The following ZFR2 variants were observed in gnomAD, a reference collection of about 807,000 sequenced individuals.
ZFR2 encodes the protein zinc finger RNA binding protein 2.
Under a neutral mutation model 105.7 loss-of-function variants are expected in ZFR2, and 104 were observed. The ratio of observed to expected loss-of-function variants is 0.98; its 90% CI spans 0.84 to 1.16. The LOEUF (loss-of-function observed/expected upper bound fraction) is 1.16, where lower values mean the gene tolerates loss of function less well. Among genes scored for constraint, ZFR2 ranks in the 50% most tolerant of loss-of-function variants. ZFR2 has a pLI of 0.00. For missense variants in ZFR2, 1,425 were observed against 1,355.5 expected (o/e 1.05, Z -0.80); for synonymous variants, 634 against 597.7 (o/e 1.06, Z -0.89).
Position 3,823,504 on chromosome 19 carries a change from G to T in ZFR2, c.1214-101C>A, listed in dbSNP as rs1487086452. On this transcript the variant is annotated intron_variant, in intron 7 of 18. Transcript: ENST00000262961. The surrounding 1 kb of genome is among the most constrained non-coding windows in gnomAD (Gnocchi z 5.4). Reference sequence around the variant, plus strand: ...GGGGTGGAGAGCCACCCAGACTGCAGGCTGTGCCATCCCCCTCCCTCCTGT... The same window carrying T: ...GGGGTGGAGAGCCACCCAGACTGCATGCTGTGCCATCCCCCTCCCTCCTGT... The T allele has an allele frequency of 6.5e-6, 8 of 1,230,058 alleles. No individual in the cohort carries two copies. The highest frequency in any genetic ancestry group is 1.5e-5 in the African/African-American group (1 of 66,098). 76.2% of individuals were successfully genotyped at this position (1,230,058 alleles called of 1,614,324 possible). A position where few individuals can be genotyped will look rare whatever the true frequency, so the allele number is the denominator to read the frequency against.
chr19:3,844,038 G>C (rs1211536490), intron 1 of ZFR2, among the ~76,000 whole-genome samples: 1 of 146,548 alleles, frequency 6.8e-6, no homozygotes, highest in Non-Finnish European at 1.5e-5. Flanking sequence ...CAGGGACCGG[G>C]GAGGGGAAGG....
At chr19:3,831,580 G>GT in intron 4 of ZFR2, 24 bp from the exon 5 acceptor site, 1 of 1,546,748 alleles carries the variant, frequency 6.5e-7, no homozygotes, top group South Asian at 1.2e-5. Flanking sequence ...AAAACAATGA[G>GT]TCGGGGGGAG....
chr19:3,839,307 C>G (rs944190977), intron 1 of ZFR2, among the ~76,000 whole-genome samples: 1 of 151,962 alleles, frequency 6.6e-6, no homozygotes, highest in Non-Finnish European at 1.5e-5. Context: ...CCACGGCAGG[C>G]AGATTACCCG....
chr19:3,818,919 A>G (rs2037854462), intron 12 of ZFR2, 126 bp downstream of exon 12: 1 of 1,230,318 alleles, frequency 8.1e-7, no homozygotes, highest in African/African-American at 1.5e-5. Context: ...GGGGCTGGAA[A>G]GCTGCCGCGG....
rs187761359 is a variant in ZFR2, at chr19:3,829,071, C to T, written c.853-1418G>A. Among the ~76,000 whole-genome samples, 377 of 151,934 alleles carry T rather than the reference C, an allele frequency of 2.5e-3. 1 individual carries two copies. The highest frequency in any genetic ancestry group is 8.8e-3 in the African/African-American group (365 of 41,400). On this transcript the variant is annotated intron_variant, in intron 5 of 18. Transcript: ENST00000262961. ...CCGCCTCCCAGGTTCACGCCATTCT[C>T]CTGCCTCAGCCTCCCAAGTAGCTGG...
intron 6 of ZFR2, among the ~76,000 whole-genome samples, chr19:3,825,654 G>A (rs878867735): frequency 1.3e-5 from 2 of 151,236 alleles, no homozygotes; most frequent in African/African-American, 4.9e-5. Flanking sequence ...TCTAGTGTGT[G>A]AGCACGTGGC....
At chr19:3,835,673 G>A (rs553621919) in intron 1 of ZFR2, among the ~76,000 whole-genome samples, 12 of 151,344 alleles carry the variant, frequency 7.9e-5, no homozygotes, top group African/African-American at 2.9e-4. Flanking sequence ...GGCCGGGTGT[G>A]GTAGCTCATG....
Position 3,847,535 on chromosome 19 carries a change from A to C in ZFR2, c.54-12552T>G, listed in dbSNP as rs138626170. ...CGAGACTCCTTCTCAAAAGAAAAAAAAAAGTATTTTTTGAAAATAAGAATA... is the reference window on the plus strand; with the variant it reads ...CGAGACTCCTTCTCAAAAGAAAAAACAAAGTATTTTTTGAAAATAAGAATA... On this transcript the variant is annotated intron_variant, in intron 1 of 18. Coordinates refer to ENST00000262961, the MANE Select transcript of ZFR2 (RefSeq NM_015174.2). Among the ~76,000 whole-genome samples the C allele has an allele frequency of 4.6e-5, 7 of 152,326 alleles. No homozygotes were observed. The East Asian group carries it at 1.3e-3, about 29-fold the overall frequency.
chr19:3,822,151 T>G lies in ZFR2; in HGVS notation c.1421A>C (p.Glu474Ala), dbSNP rs1453039159. 1 of 1,609,364 alleles carries G rather than the reference T, an allele frequency of 6.2e-7. No homozygotes were observed. The change falls in exon 9 of 19, where the codon GAG (glutamate) becomes GCG (alanine). Residue 474 changes from glutamate (E) to alanine (A), a missense_variant. Coordinates refer to ENST00000262961, the MANE Select transcript of ZFR2 (RefSeq NM_015174.2). ...RVLRFHCKLC[E>A]CSFNDLNAKD... ...CGCGTTAAGGTCGTTGAAACTGCAC[T>G]CGCACAGCTTGCAGTGGAAGCGAAG... is the stretch of plus-strand genomic sequence containing the variant.
At chr19:3,827,917 T>A (rs1326047489) in intron 5 of ZFR2, among the ~76,000 whole-genome samples, 1 of 151,700 alleles carries the variant, frequency 6.6e-6, no homozygotes, top group Non-Finnish European at 1.5e-5. Flanking sequence ...GCCTCCTGGG[T>A]TCAAGTGATT....
chr19:3,814,023 A>G, intron 13 of ZFR2, 65 bp from the exon 14 acceptor site: 3 of 1,595,806 alleles, frequency 1.9e-6, no homozygotes, highest in Non-Finnish European at 2.6e-6. Flanking sequence ...TAAATCAGCC[A>G]GGATGTGGTT....
At chr19:3,852,184 T>C (rs1307491647) in intron 1 of ZFR2, 2 of 460,632 alleles carry the variant, frequency 4.3e-6, no homozygotes, top group Non-Finnish European at 7.9e-6. Context: ...GTGGCTCTCC[T>C]GGCCAAGGCG....
intron 14 of ZFR2, among the ~76,000 whole-genome samples, chr19:3,812,489 G>A (rs761396319): frequency 4.6e-5 from 7 of 152,084 alleles, no homozygotes; most frequent in Admixed American, 3.3e-4. Context: ...GGCGGCTCAC[G>A]GGGCTCTTCT....
Position 3,822,209 on chromosome 19 carries a change from C to G in ZFR2, c.1372-9G>C. ...CCTTCGTCGCTGAACACCTGAGACA[C>G]AGAACAGCCGCACGCGCACCAGGCA... is the stretch of plus-strand genomic sequence containing the variant. On this transcript the variant is annotated splice_polypyrimidine_tract_variant and intron_variant, in intron 8 of 18. Transcript: ENST00000262961. 6.3e-7 allele frequency: 1 copy of G among 1,578,654 alleles called. No homozygotes were observed. Among genetic ancestry groups the G allele is most frequent in the Non-Finnish European group, 8.6e-7 (1 of 1,162,790 alleles).
intron 1 of ZFR2, among the ~76,000 whole-genome samples, chr19:3,847,699 G>A (rs1599248489): frequency 1.3e-5 from 2 of 152,200 alleles, no homozygotes; most frequent in Non-Finnish European, 1.5e-5. Context: ...ATTTGCAGAC[G>A]TATTTCTAGA....
chr19:3,868,202 A>C (rs1599263415), intron 1 of ZFR2, among the ~76,000 whole-genome samples: 3 of 134,656 alleles, frequency 2.2e-5, no homozygotes, highest in Admixed American at 7.4e-5. Flanking sequence ...CTTCTCTCTT[A>C]CCCCCATCAG....
In ZFR2 at chr19:3,823,832, C is replaced by A. The variant is rs1023469602; in HGVS notation, c.1214-429G>T. Among the ~76,000 whole-genome samples, 2 of 152,176 alleles carry A rather than the reference C, an allele frequency of 1.3e-5. No homozygotes were observed. The highest frequency in any genetic ancestry group is 4.8e-5 in the African/African-American group (2 of 41,438). On this transcript the variant is annotated intron_variant, in intron 7 of 18. Coordinates refer to ENST00000262961, the MANE Select transcript of ZFR2 (RefSeq NM_015174.2). The surrounding 1 kb of genome is among the most constrained non-coding windows in gnomAD (Gnocchi z 5.4). ...TGATCTTCAAAATCATGTTGCTATT[C>A]AAGAATCAACGCTGCTGAGGCTAAA...
rs530980967 is a variant in ZFR2 at position 3,813,673 on chromosome 19, T to C, written c.2242+147A>G. 44 of 1,179,618 alleles carry C rather than the reference T, an allele frequency of 3.7e-5. 1 individual carries two copies. The South Asian group carries it at 6.2e-4, about 17-fold the overall frequency. The allele number at this position is 1,179,618 out of a possible 1,614,324, so 73.1% of individuals were successfully genotyped here. The stretch of plus-strand genomic sequence containing the variant: ...CCCAGCTCTTGTGTGACCCATGGAA[T>C]CCTCAGGGGGACAGCAGTGCTGGAG... On this transcript the variant is annotated intron_variant, in intron 14 of 18. Transcript: ENST00000262961. The surrounding 1 kb of genome is among the most constrained non-coding windows in gnomAD (Gnocchi z 4.4).
At chr19:3,839,387 G>T (rs1046330138) in intron 1 of ZFR2, among the ~76,000 whole-genome samples, 6 of 151,618 alleles carry the variant, frequency 4.0e-5, no homozygotes, top group Admixed American at 2.0e-4. Flanking sequence ...ACAAAAACTA[G>T]CCCAGTGTGG....
Sources: allele counts gnomAD v4.1 joint callset (sites outside exome capture counted in the v4.1 genomes callset), GRCh38; gene constraint gnomAD v4.1.1; non-coding constraint Gnocchi (gnomAD v3.1); transcripts MANE v1.5; gene names NCBI Gene and HGNC (gene_info 2026-07-23, HGNC 2026-07-21).